The following ZNF469 variants were observed in gnomAD, a reference collection of about 807,000 sequenced individuals.
ZNF469 encodes the protein zinc finger protein 469.
ZNF469 carries 1 observed loss-of-function variant against 1.0 expected under a neutral mutation model. The observed-to-expected ratio is 1.00, with a 90% CI of 0.35 to 4.73. ZNF469 has a LOEUF of 4.73. Ranked by LOEUF, ZNF469 falls within the 30% of genes most tolerant of loss-of-function variation. The pLI, the probability that ZNF469 is intolerant of heterozygous loss-of-function variation, is 0.16. For synonymous variants in ZNF469, 2,703 were observed against 2,363.4 expected, an observed-to-expected ratio of 1.14 and a Z score of -4.17; for missense variants, 6,100 against 5,356.3, an observed-to-expected ratio of 1.14 and a Z score of -4.33.
chr16:88,267,898 C>A, the ZNF469 span, among the ~76,000 whole-genome samples: 102 of 152,264 alleles, frequency 6.7e-4, 1 homozygote, highest in South Asian at 0.021. Flanking sequence ...GACCTTTCAC[C>A]TTTTAACAGC....
At chr16:88,244,561 GTGGATGGATGCA>G in the ZNF469 span, among the ~76,000 whole-genome samples, 1 of 150,504 alleles carries the variant, frequency 6.6e-6, no homozygotes, top group Non-Finnish European at 1.5e-5. Context: ...GGCTGGATGG[GTGGATGGATGCA>G]TGGATGGATG....
the ZNF469 span, among the ~76,000 whole-genome samples, chr16:88,145,034 G>C: frequency 2.0e-5 from 3 of 151,858 alleles, no homozygotes; most frequent in South Asian, 4.2e-4. Context: ...ATTTTTAGTA[G>C]AGACAGGGTT....
chr16:88,307,720 C>A, the ZNF469 span, among the ~76,000 whole-genome samples: 1 of 152,154 alleles, frequency 6.6e-6, no homozygotes, highest in East Asian at 1.9e-4. Context: ...TGCAAGAGTT[C>A]TTTATGTGTT....
At position 88,429,810 on chromosome 16, in the gene ZNF469, C is replaced by T. The variant is rs1445285720; in HGVS notation, c.2340C>T (p.Pro780=). 2 of 1,546,004 alleles carry T rather than the reference C, an allele frequency of 1.3e-6. No individual in the cohort carries two copies. Among genetic ancestry groups the T allele is most frequent in the Admixed American group, 2.0e-5 (1 of 50,906 alleles). ...PPGLPSPPAA[P]RVPADAHAGL... ...GGCTCCCCTCGCCCCCCGCTGCCCC[C>T]AGAGTCCCTGCCGACGCACACGCGG... The change falls in exon 3 of 3, where the codon CCC becomes CCT. Residue 780 remains proline, a synonymous_variant. Transcript: ENST00000565624.
chr16:88,110,957 C>T, the ZNF469 span, among the ~76,000 whole-genome samples: 1 of 152,246 alleles, frequency 6.6e-6, no homozygotes, highest in Non-Finnish European at 1.5e-5. Context: ...GCACAGTGTC[C>T]GTGGCAGGGA....
At chr16:88,239,379 A>G in the ZNF469 span, among the ~76,000 whole-genome samples, 1 of 152,112 alleles carries the variant, frequency 6.6e-6, no homozygotes, top group Non-Finnish European at 1.5e-5. Context: ...CCACTTATAT[A>G]AAAGGTGCCA....
At chr16:88,240,328 G>A in the ZNF469 span, among the ~76,000 whole-genome samples, 1 of 152,220 alleles carries the variant, frequency 6.6e-6, no homozygotes, top group South Asian at 2.1e-4. Context: ...ATAATCGTGT[G>A]ATGGGGGAAG....
chr16:88,434,136 GGAA>G lies in ZNF469; in HGVS notation c.6669_6671del (p.Glu2223del). 6.5e-7 allele frequency: 1 copy of G among 1,550,314 alleles called. No individual in the cohort carries two copies. Among genetic ancestry groups the G allele is most frequent in the Non-Finnish European group, 8.7e-7 (1 of 1,146,950 alleles). On this transcript the variant is annotated inframe_deletion, in exon 3 of 3. Coordinates refer to ENST00000565624, the MANE Select transcript of ZNF469 (RefSeq NM_001367624.2). ...TTCTCCAGGGGGAGGGCAGCCCCCT[GGAA>G]GACCCTTCCTCCTGGCCTCCTGGCT...
chr16:88,285,495 G>A, the ZNF469 span, among the ~76,000 whole-genome samples: 9 of 152,374 alleles, frequency 5.9e-5, no homozygotes, highest in African/African-American at 2.2e-4. Flanking sequence ...GCCAGCGTGG[G>A]CAGGGCCACA....
At position 88,436,782 on chromosome 16, in the gene ZNF469, AGGCC is replaced by A. The variant is rs1286871460; in HGVS notation, c.9321_9324del (p.Ala3108ArgfsTer73). 5 of 1,545,226 alleles carry A rather than the reference AGGCC, an allele frequency of 3.2e-6. No individual in the cohort carries two copies. Among genetic ancestry groups the A allele is most frequent in the Non-Finnish European group, 3.5e-6 (4 of 1,146,174 alleles). ...CAGGGGCAGGGAGGGCCCAAGGCAGAGGCCGGCCGGCCAAGGGCAGGCGGGCCTC... is the reference window on the plus strand; with the variant it reads ...CAGGGGCAGGGAGGGCCCAAGGCAGAGGCCGGCCAAGGGCAGGCGGGCCTC... On this transcript the variant is annotated frameshift_variant, in exon 3 of 3. Coordinates refer to ENST00000565624, the MANE Select transcript of ZNF469 (RefSeq NM_001367624.2). LOFTEE classifies it low-confidence loss of function (END_TRUNC).
At chr16:88,232,399 C>T in the ZNF469 span, among the ~76,000 whole-genome samples, 1 of 152,014 alleles carries the variant, frequency 6.6e-6, no homozygotes. Context: ...CCTCCCACCA[C>T]CACCCCGCCT....
the ZNF469 span, among the ~76,000 whole-genome samples, chr16:88,167,687 C>A: frequency 2.6e-5 from 4 of 152,178 alleles, no homozygotes; most frequent in South Asian, 4.1e-4. Context: ...AGCCACTCCG[C>A]TGCGTTTCCT....
At chr16:88,413,337 T>C (rs932786116) in intron 1 of ZNF469, among the ~76,000 whole-genome samples, 1 of 152,054 alleles carries the variant, frequency 6.6e-6, no homozygotes, top group Non-Finnish European at 1.5e-5. Context: ...TCTCTTCCCT[T>C]CACCCTCAAA....
the ZNF469 span, among the ~76,000 whole-genome samples, chr16:88,163,734 T>C: frequency 1.9e-4 from 29 of 150,856 alleles, no homozygotes; most frequent in East Asian, 4.0e-4. Flanking sequence ...GGTGGATAGA[T>C]GCATGAGAGG....
the ZNF469 span, among the ~76,000 whole-genome samples, chr16:88,277,101 C>A: frequency 1.7e-3 from 252 of 144,400 alleles, no homozygotes; most frequent in Middle Eastern, 4.5e-3. Context: ...TGTCAGTGCA[C>A]GGTTAGTGCT....
the ZNF469 span, among the ~76,000 whole-genome samples, chr16:88,277,482 T>C: frequency 0.016 from 1,056 of 64,762 alleles, no homozygotes; most frequent in Middle Eastern, 0.062. Context: ...ATTAGTGCTG[T>C]GCCACGCTGA....
chr16:88,385,612 C>T (rs1488359906), intron 1 of ZNF469, among the ~76,000 whole-genome samples: 1 of 149,706 alleles, frequency 6.7e-6, no homozygotes, highest in African/African-American at 2.5e-5. Context: ...CACCGCATTC[C>T]AGCCTGCGTG....
the ZNF469 span, among the ~76,000 whole-genome samples, chr16:88,217,275 G>A: frequency 6.6e-6 from 1 of 151,986 alleles, no homozygotes. Context: ...ATCCAGCCAG[G>A]TACTCTGCTG....
At chr16:88,325,673 AC>A in the ZNF469 span, among the ~76,000 whole-genome samples, 1 of 152,038 alleles carries the variant, frequency 6.6e-6, no homozygotes, top group Admixed American at 6.6e-5. Context: ...GGCCTGTGAG[AC>A]CCCCTAAGGG....
Sources: allele counts gnomAD v4.1 joint callset (sites outside exome capture counted in the v4.1 genomes callset), GRCh38; gene constraint gnomAD v4.1.1; transcripts MANE v1.5; gene names NCBI Gene and HGNC (gene_info 2026-07-23, HGNC 2026-07-21).